Variants in HDLBP observed in about 807,000 individuals in gnomAD.
HDLBP encodes high density lipoprotein binding protein, also known as vigilin.
A neutral mutation model predicts 137.3 loss-of-function variants in HDLBP; 30 were observed. The observed-to-expected ratio is 0.22, with a 90% CI of 0.16 to 0.30. The LOEUF is 0.30. Ranked by LOEUF, HDLBP falls within the 10% of genes least tolerant of loss-of-function variation. HDLBP has a pLI of 1.00. For missense variants in HDLBP, 1,119 were observed against 1,667.3 expected (o/e 0.67, Z 5.73); for synonymous variants, 606 against 596.0 (o/e 1.02, Z -0.24).
At chr2:241,288,184 A>G (rs1251424174) in intron 1 of HDLBP, among the ~76,000 whole-genome samples, 2 of 152,140 alleles carry the variant, frequency 1.3e-5, no homozygotes, top group African/African-American at 4.8e-5. Flanking sequence ...CACAAAATTT[A>G]TTTTCTCTGC....
Position 241,230,048 on chromosome 2 carries a change from C to T in HDLBP, c.3592-87G>A, listed in dbSNP as rs2069556840. ...CTGCTCACCCCTGCACCTCGCCTGC[C>T]TCTGGAAACACAAGTGCCACCTTGT... On this transcript the variant is annotated intron_variant, in intron 26 of 27. Transcript: ENST00000310931. This position sits in a 1 kb window ranked among gnomAD's most constrained non-coding sequence, Gnocchi z 5.0. 3.2e-6 allele frequency: 5 copies of T among 1,582,248 alleles called. No homozygotes were observed. The Admixed American group carries it at 6.9e-5, about 22-fold the overall frequency.
intron 4 of HDLBP, among the ~76,000 whole-genome samples, chr2:241,263,769 A>G (rs1214109064): frequency 1.3e-5 from 2 of 152,204 alleles, no homozygotes; most frequent in African/African-American, 2.4e-5. Context: ...AAAACCAGGA[A>G]ACTGGTTAAC....
intron 1 of HDLBP, among the ~76,000 whole-genome samples, chr2:241,276,353 G>A (rs915991775): frequency 2.0e-5 from 3 of 152,084 alleles, no homozygotes; most frequent in East Asian, 1.9e-4. Flanking sequence ...TATTCATTAC[G>A]ATGTACATTA....
In HDLBP at chr2:241,256,246, T is replaced by C. The variant is rs1218813713; in HGVS notation, c.811A>G (p.Thr271Ala). 1 of 1,614,030 alleles carries C rather than the reference T, an allele frequency of 6.2e-7. No homozygotes were observed. Among genetic ancestry groups the C allele is most frequent in the East Asian group, 2.2e-5 (1 of 44,898 alleles). The change falls in exon 7 of 28, where the codon ACT becomes GCT. Residue 271 changes from threonine to alanine, a missense_variant. Transcript: ENST00000310931. ...TGAGCCAACTGTTCCTTCTCTCCAG[T>C]GAAGACAATCTCTGTCCGGTTCACG... Reference protein sequence around the residue: ...PSVNRTEIVFTGEKEQLAQAV... With the variant: ...PSVNRTEIVFAGEKEQLAQAV...
At chr2:241,271,200 C>A in intron 1 of HDLBP, 1 of 908,636 alleles carries the variant, frequency 1.1e-6, no homozygotes, top group Non-Finnish European at 1.3e-6. Flanking sequence ...CTGGCTCTCC[C>A]AACTACTTTT....
intron 1 of HDLBP, among the ~76,000 whole-genome samples, chr2:241,290,671 C>G (rs987291528): frequency 2.0e-5 from 3 of 151,682 alleles, no homozygotes; most frequent in Non-Finnish European, 1.5e-5. Flanking sequence ...ACTTCTTTAT[C>G]TCAATGCTGG....
intron 1 of HDLBP, chr2:241,279,910 C>T (rs1456504661): frequency 1.0e-6 from 1 of 985,150 alleles, no homozygotes; most frequent in African/African-American, 1.7e-5. Flanking sequence ...ACAATTTATG[C>T]AGCCTACTCC....
chr2:241,256,186 T>C lies in HDLBP; in HGVS notation c.871A>G (p.Lys291Glu). 1 of 1,613,520 alleles carries C rather than the reference T, an allele frequency of 6.2e-7. No individual in the cohort carries two copies. Among genetic ancestry groups the C allele is most frequent in the Non-Finnish European group, 8.5e-7 (1 of 1,179,446 alleles). ...VARIKKIYEE[K>E]KKKTTTIAVE... ...TTTGCCTCCTCTAAATCGTGTACCT[T>C]CTCCTCATAAATCTTCTTGATGCGA... The change falls in exon 7 of 28, where the codon AAG (lysine) becomes GAG (glutamate). Residue 291 changes from lysine to glutamate, a missense_variant and splice_region_variant. This residue lies in a region of HDLBP where 425 missense variants were observed against 693.9 expected (regional missense o/e 0.61). Transcript: ENST00000310931.
intron 1 of HDLBP, among the ~76,000 whole-genome samples, chr2:241,284,440 A>G (rs886417862): frequency 6.6e-6 from 1 of 152,260 alleles, no homozygotes; most frequent in African/African-American, 2.4e-5. Flanking sequence ...AAACGTGAAC[A>G]GATGAGGAGT....
chr2:241,233,330 G>C lies in HDLBP; in HGVS notation c.3288+490C>G, dbSNP rs1375794400. 2.6e-5 allele frequency among the ~76,000 whole-genome samples: 4 copies of C among 152,136 alleles called. No individual in the cohort carries two copies. In the East Asian group the frequency reaches 7.7e-4, roughly 29 times the overall value. On this transcript the variant is annotated intron_variant, in intron 24 of 27. Transcript: ENST00000310931. This position sits in a 1 kb window ranked among gnomAD's most constrained non-coding sequence, Gnocchi z 4.3. ...CTGAGTGAAGCAGGAGGCCATGAGG[G>C]CCAGTGGCAGGGGGGTGGCACTGCA...
rs911861515 is a variant in HDLBP, at chr2:241,238,514, C to T, written c.2749+135G>A. On this transcript the variant is annotated intron_variant, in intron 20 of 27. Transcript: ENST00000310931. The surrounding 1 kb of genome is among the most constrained non-coding windows in gnomAD (Gnocchi z 4.9). ...AAGGCCAGGGAGTGACCCTGAACCT[C>T]TGGAAGCCCCCAGAATACATAGATG... The T allele has an allele frequency of 1.6e-5, 11 of 679,712 alleles. No individual in the cohort carries two copies. Among genetic ancestry groups the T allele is most frequent in the Middle Eastern group, 4.6e-4 (1 of 2,196 alleles). 42.1% of individuals were successfully genotyped at this position (679,712 alleles called of 1,614,324 possible).
chr2:241,307,453 A>G (rs984038007), intron 1 of HDLBP, among the ~76,000 whole-genome samples: 2 of 152,178 alleles, frequency 1.3e-5, no homozygotes, highest in African/African-American at 2.4e-5. Context: ...GGCTACACGA[A>G]TAATGGTTTA....
In HDLBP at chr2:241,256,260, G is replaced by T; in HGVS notation, c.797C>A (p.Thr266Lys). ...INIPPPSVNR[T>K]EIVFTGEKEQ... ...CTTCTCTCCAGTGAAGACAATCTCT[G>T]TCCGGTTCACGCTGGGTGGGGGGAT... Residue 266 changes from threonine (T) to lysine (K), a missense_variant, in exon 7 of 28, where the codon ACA (threonine) becomes AAA (lysine). Physicochemically the swap from Thr to Lys is moderately conservative, Grantham distance 78. Around this residue, in one of 4 missense-constraint regions of HDLBP, gnomAD observed 425 missense variants for 693.9 expected, o/e 0.61. Transcript: ENST00000310931. 6.2e-7 allele frequency: 1 copy of T among 1,614,132 alleles called. No homozygotes were observed. Among genetic ancestry groups the T allele is most frequent in the South Asian group, 1.1e-5 (1 of 91,074 alleles).
chr2:241,236,837 C>A, intron 20 of HDLBP, 68 bp from the exon 21 acceptor site: 1 of 1,537,648 alleles, frequency 6.5e-7, no homozygotes, highest in South Asian at 1.2e-5. Context: ...GTTCAGAATG[C>A]ATATGTCTGT....
Position 241,278,405 on chromosome 2 carries a change from A to G in HDLBP, c.-102-9864T>C, listed in dbSNP as rs187317075. On this transcript the variant is annotated intron_variant, in intron 1 of 27. Transcript: ENST00000310931. ...CGAGACCAGCCTGGCCAATATGGCG[A>G]AACTCCGTCTCTACTAAACATACAA... Among the ~76,000 whole-genome samples the G allele has an allele frequency of 2.6e-5, 4 of 152,214 alleles. No individual in the cohort carries two copies. The East Asian group carries it at 7.7e-4, about 29-fold the overall frequency.
Position 241,230,677 on chromosome 2 carries a change from C to G in HDLBP, c.3474+82G>C. 1 of 1,206,944 alleles carries G rather than the reference C, an allele frequency of 8.3e-7. No homozygotes were observed. The highest frequency in any genetic ancestry group is 2.5e-5 in the East Asian group (1 of 40,508). The allele number at this position is 1,206,944 out of a possible 1,614,324, so 74.8% of individuals were successfully genotyped here. ...TGGCCTCATCATCTTGAGGGGAAGG[C>G]CATGCCCTGCTCTTTCTTCTGGCCA... is the stretch of plus-strand genomic sequence containing the variant. On this transcript the variant is annotated intron_variant, in intron 25 of 27. Coordinates refer to ENST00000310931, the MANE Select transcript of HDLBP (RefSeq NM_005336.6). The surrounding 1 kb of genome is among the most constrained non-coding windows in gnomAD (Gnocchi z 5.0).
intron 7 of HDLBP, 50 bp downstream of exon 7, chr2:241,256,134 C>A (rs1340148483): frequency 2.0e-6 from 3 of 1,502,710 alleles, no homozygotes; most frequent in Non-Finnish European, 1.9e-6. Context: ...AGACCCAAAT[C>A]CTCATTTCTA....
chr2:241,230,756 C>T lies in HDLBP; in HGVS notation c.3474+3G>A, dbSNP rs1337327534. On this transcript the variant is annotated splice_donor_region_variant and intron_variant, in intron 25 of 27. Transcript: ENST00000310931. This position sits in a 1 kb window ranked among gnomAD's most constrained non-coding sequence, Gnocchi z 5.0. The stretch of plus-strand genomic sequence containing the variant: ...TCACCCACTGTGCTTCCAGCCGGCT[C>T]ACCTTGAATTCGTCCATGATTTTGC... 6.2e-7 allele frequency: 1 copy of T among 1,613,254 alleles called. No homozygotes were observed. The highest frequency in any genetic ancestry group is 1.3e-5 in the African/African-American group (1 of 74,932).
chr2:241,255,999 C>CAGAT, intron 7 of HDLBP, among the ~76,000 whole-genome samples, 185 bp downstream of exon 7: 1 of 152,326 alleles, frequency 6.6e-6, no homozygotes, highest in Non-Finnish European at 1.5e-5. Flanking sequence ...AACTGCCAGG[C>CAGAT]AGATGCTCAA....
Sources: allele counts gnomAD v4.1 joint callset (sites outside exome capture counted in the v4.1 genomes callset), GRCh38; gene constraint gnomAD v4.1.1; regional missense constraint gnomAD v4.1.1; non-coding constraint Gnocchi (gnomAD v3.1); transcripts MANE v1.5; gene names NCBI Gene and HGNC (gene_info 2026-07-23, HGNC 2026-07-21).